Variants in ZPLD1 observed in about 807,000 individuals in gnomAD.
ZPLD1 encodes the protein zona pellucida-like domain-containing protein 1.
ZPLD1 carries 34 observed loss-of-function variants against 47.2 expected under a neutral mutation model. The ratio of observed to expected loss-of-function variants is 0.72; its 90% CI spans 0.55 to 0.96. The LOEUF (loss-of-function observed/expected upper bound fraction) is 0.96. ZPLD1 is among the 40% of genes least tolerant of loss of function. The pLI is 0.00. For missense variants in ZPLD1, 512 were observed against 505.8 expected, an observed-to-expected ratio of 1.01 and a Z score of -0.12; for synonymous variants, 176 against 186.2, an observed-to-expected ratio of 0.95 and a Z score of 0.45.
intron 1 of ZPLD1, among the ~76,000 whole-genome samples, 187 bp from the exon 2 acceptor site, chr3:102,436,673 C>T (rs1209933746): frequency 2.6e-5 from 4 of 152,172 alleles, no homozygotes; most frequent in African/African-American, 4.8e-5. Flanking sequence ...TGTAACCTCA[C>T]CCATCATTAT....
intron 1 of ZPLD1, 31 bp downstream of exon 1, chr3:102,435,185 A>AAT: frequency 1.2e-6 from 2 of 1,612,878 alleles, no homozygotes. Context: ...TTTGCAAGAT[A>AAT]ATAGTTCATC....
chr3:102,436,002 T>C (rs182832225), intron 1 of ZPLD1, among the ~76,000 whole-genome samples: 2 of 152,358 alleles, frequency 1.3e-5, no homozygotes, highest in East Asian at 3.9e-4. Flanking sequence ...TATCTGAATC[T>C]ATACCTGCTA....
intron 3 of ZPLD1, among the ~76,000 whole-genome samples, chr3:102,450,829 T>A (rs1707326790): frequency 6.6e-6 from 1 of 152,192 alleles, no homozygotes. Flanking sequence ...TAGATACTCA[T>A]AAACATTTAT....
chr3:102,409,930 GA>G (rs1706731794), intron 7 of ZPLD1, among the ~76,000 whole-genome samples: 1 of 151,734 alleles, frequency 6.6e-6, no homozygotes, highest in Non-Finnish European at 1.5e-5. Context: ...TTTAGGAGAA[GA>G]AATCATAACC....
At chr3:102,408,725 CAT>C (rs1706718999) in intron 7 of ZPLD1, among the ~76,000 whole-genome samples, 1 of 151,762 alleles carries the variant, frequency 6.6e-6, no homozygotes, top group Non-Finnish European at 1.5e-5. Context: ...AAACACTGTT[CAT>C]ATCTTAGTCA....
intron 9 of ZPLD1, 55 bp downstream of exon 9, chr3:102,469,190 T>C: frequency 1.3e-6 from 2 of 1,536,036 alleles, no homozygotes. Context: ...AGCTGAAAGG[T>C]TATCAAATGT....
At chr3:102,475,104 C>T in intron 10 of ZPLD1, among the ~76,000 whole-genome samples, 1 of 151,770 alleles carries the variant, frequency 6.6e-6, no homozygotes, top group East Asian at 1.9e-4. Flanking sequence ...AAATAGTATT[C>T]AAATATCACA....
intron 8 of ZPLD1, among the ~76,000 whole-genome samples, chr3:102,465,930 C>G (rs193049840): frequency 1.6e-4 from 24 of 151,988 alleles, no homozygotes; most frequent in Admixed American, 1.4e-3. Context: ...GGAGTCAGCT[C>G]CCAGAAGCAG....
chr3:102,433,400 T>C (rs904088220), upstream of ZPLD1, among the ~76,000 whole-genome samples: 11 of 152,360 alleles, frequency 7.2e-5, no homozygotes, highest in African/African-American at 2.2e-4. Flanking sequence ...TTCCCCAGTA[T>C]AGGGAGAATA....
chr3:102,465,516 G>A (rs1296590129), intron 8 of ZPLD1, among the ~76,000 whole-genome samples: 1 of 147,570 alleles, frequency 6.8e-6, no homozygotes, highest in Non-Finnish European at 1.5e-5. Flanking sequence ...AGAAAAGACT[G>A]TAAAGAGAAA....
chr3:102,421,267 T>C (rs1706875616), intron 8 of ZPLD1, among the ~76,000 whole-genome samples: 1 of 151,928 alleles, frequency 6.6e-6, no homozygotes, highest in African/African-American at 2.4e-5. Context: ...AAATCTTGTT[T>C]ATATTACATG....
chr3:102,470,617 A>G (rs1468028878), intron 10 of ZPLD1, 115 bp downstream of exon 10: 12 of 734,616 alleles, frequency 1.6e-5, no homozygotes, highest in East Asian at 2.7e-5. Flanking sequence ...ATTGTGAGAC[A>G]AGATAAACTA....
intron 1 of ZPLD1, 94 bp downstream of exon 1, chr3:102,435,248 G>A: frequency 1.5e-6 from 2 of 1,370,912 alleles, no homozygotes; most frequent in South Asian, 1.2e-5. Context: ...AATGTCGTAA[G>A]CCCTGCCAAG....
At chr3:102,406,406 C>T (rs1706685570) in intron 7 of ZPLD1, among the ~76,000 whole-genome samples, 1 of 151,914 alleles carries the variant, frequency 6.6e-6, no homozygotes, top group Admixed American at 6.6e-5. Flanking sequence ...GGATTTCACC[C>T]TTCTGAAGAC....
intron 3 of ZPLD1, among the ~76,000 whole-genome samples, chr3:102,446,421 T>C (rs769152070): frequency 1.2e-4 from 18 of 152,226 alleles, no homozygotes; most frequent in Non-Finnish European, 2.6e-4. Flanking sequence ...ACTATTATTA[T>C]TGATATACTG....
chr3:102,408,560 GA>G (rs1252450805), intron 7 of ZPLD1, among the ~76,000 whole-genome samples: 4 of 151,726 alleles, frequency 2.6e-5, no homozygotes. Context: ...ATGAAAGAAA[GA>G]AAAATTATCA....
At chr3:102,416,597 A>C (rs539446481) in intron 7 of ZPLD1, among the ~76,000 whole-genome samples, 1 of 152,062 alleles carries the variant, frequency 6.6e-6, no homozygotes, top group East Asian at 1.9e-4. Flanking sequence ...GGAAGACCTA[A>C]AAAAAGTTTA....
chr3:102,477,102 G>A (rs1172464758), intron 11 of ZPLD1, 61 bp downstream of exon 11: 1 of 1,568,206 alleles, frequency 6.4e-7, no homozygotes, highest in Non-Finnish European at 8.8e-7. Flanking sequence ...TTACAAAGCT[G>A]TAATCATCTA....
At chr3:102,405,255 G>A (rs1372525150) in intron 7 of ZPLD1, among the ~76,000 whole-genome samples, 3 of 151,950 alleles carry the variant, frequency 2.0e-5, no homozygotes, top group Admixed American at 6.6e-5. Context: ...GCAGGGAAAA[G>A]ATGAAGTTCC....
Sources: allele counts gnomAD v4.1 joint callset (sites outside exome capture counted in the v4.1 genomes callset), GRCh38; gene constraint gnomAD v4.1.1; transcripts MANE v1.5; gene names NCBI Gene and HGNC (gene_info 2026-07-23, HGNC 2026-07-21).